Variants in RUSC2 observed in about 807,000 individuals in gnomAD.
RUSC2 encodes AP-4 complex accessory subunit RUSC2.
A neutral mutation model predicts 122.2 loss-of-function variants in RUSC2; 34 were observed. The ratio of observed to expected loss-of-function variants is 0.28; its 90% CI spans 0.21 to 0.37. The LOEUF (loss-of-function observed/expected upper bound fraction) is 0.37, where lower values mean the gene tolerates loss of function less well. Among genes scored for constraint, RUSC2 ranks in the 10% least tolerant of loss-of-function variants. RUSC2 has a pLI of 1.00. For synonymous variants in RUSC2, 784 were observed against 790.0 expected (o/e 0.99, Z 0.13); for missense variants, 1,747 against 1,952.4 (o/e 0.89, Z 1.98).
chr9:35,514,962 C>T (rs779852344), intron 1 of RUSC2, among the ~76,000 whole-genome samples: 8 of 152,126 alleles, frequency 5.3e-5, no homozygotes, highest in Non-Finnish European at 1.5e-5. Flanking sequence ...AAATGGCCAC[C>T]CCTACTTGCA....
In RUSC2 at chr9:35,561,597, A is replaced by C; in HGVS notation, c.*215A>C. The C allele has an allele frequency of 3.4e-6, 2 of 591,874 alleles. No individual in the cohort carries two copies. The highest frequency in any genetic ancestry group is 6.0e-6 in the Non-Finnish European group (2 of 335,352). The allele number at this position is 591,874 out of a possible 1,614,324, so 36.7% of individuals were successfully genotyped here. ...GACCTCCACCCAGGAGAGGGATGGG[A>C]CACAGCACTGGGCTGCCAGGATTCC... On this transcript the variant is annotated 3_prime_UTR_variant, in exon 12 of 12. Transcript: ENST00000361226.
At position 35,558,664 on chromosome 9, in the gene RUSC2, G is replaced by A; in HGVS notation, c.3341+97G>A. 1 of 1,035,016 alleles carries A rather than the reference G, an allele frequency of 9.7e-7. No homozygotes were observed. The highest frequency in any genetic ancestry group is 1.5e-6 in the Non-Finnish European group (1 of 665,776). 64.1% of individuals were successfully genotyped at this position (1,035,016 alleles called of 1,614,324 possible). Reference sequence around the variant, plus strand: ...AAGGAAACAACGCCCTGGACAGACAGAAAGGGTGGATCTGGAGGGTCCCCT... The same window carrying A: ...AAGGAAACAACGCCCTGGACAGACAAAAAGGGTGGATCTGGAGGGTCCCCT... On this transcript the variant is annotated intron_variant, in intron 8 of 11. Coordinates refer to ENST00000361226, the MANE Select transcript of RUSC2 (RefSeq NM_014806.5). The surrounding 1 kb of genome is among the most constrained non-coding windows in gnomAD (Gnocchi z 4.3).
Position 35,548,202 on chromosome 9 carries a change from C to G in RUSC2, c.1681C>G (p.Pro561Ala). Residue 561 changes from proline to alanine, a missense_variant, in exon 2 of 12, where the codon CCA becomes GCA. Pro to Ala is a conservative substitution (Grantham distance 27). Coordinates refer to ENST00000361226, the MANE Select transcript of RUSC2 (RefSeq NM_014806.5). This position sits in a 1 kb window ranked among gnomAD's most constrained non-coding sequence, Gnocchi z 4.5. The part of the protein sequence containing the change: ...RKKTGGSGSP[P>A]LRVSVGDSSQ... The stretch of plus-strand genomic sequence containing the variant: ...GAAAACTGGAGGCTCTGGCTCGCCC[C>G]CACTTCGTGTGAGTGTTGGGGACTC... 6.2e-7 allele frequency: 1 copy of G among 1,613,256 alleles called. No homozygotes were observed. Among genetic ancestry groups the G allele is most frequent in the Non-Finnish European group, 8.5e-7 (1 of 1,179,932 alleles).
chr9:35,536,289 C>G (rs1030289050), intron 1 of RUSC2, among the ~76,000 whole-genome samples: 1 of 152,186 alleles, frequency 6.6e-6, no homozygotes, highest in Admixed American at 6.5e-5. Context: ...TCTGTAAAAT[C>G]AACAACCTGC....
intron 1 of RUSC2, among the ~76,000 whole-genome samples, chr9:35,522,260 AAAG>A (rs1197553011): frequency 6.6e-6 from 1 of 152,250 alleles, no homozygotes; most frequent in African/African-American, 2.4e-5. Flanking sequence ...AGGCATGAAA[AAAG>A]AGAGATGTTT....
At position 35,555,007 on chromosome 9, in the gene RUSC2, C is replaced by T. The variant is rs944821746; in HGVS notation, c.2015-53C>T. On this transcript the variant is annotated intron_variant, in intron 2 of 11. Coordinates refer to ENST00000361226, the MANE Select transcript of RUSC2 (RefSeq NM_014806.5). This position sits in a 1 kb window ranked among gnomAD's most constrained non-coding sequence, Gnocchi z 4.6. ...CCATCTCTGCTTCTGGGTTTTCTCT[C>T]ATATGGGTTTCAGTGTCTGTCTACT... 1.9e-6 allele frequency: 3 copies of T among 1,596,092 alleles called. No individual in the cohort carries two copies. Among genetic ancestry groups the T allele is most frequent in the African/African-American group, 2.7e-5 (2 of 74,514 alleles).
At chr9:35,553,826 T>C (rs566016131) in intron 2 of RUSC2, among the ~76,000 whole-genome samples, 34 of 152,216 alleles carry the variant, frequency 2.2e-4, no homozygotes, top group African/African-American at 8.2e-4. Context: ...CCTAATGGGA[T>C]TGTGGTCCCC....
rs557689752 is a variant in RUSC2, at chr9:35,555,733, G to A, written c.2656+32G>A. ...GCTCCAGCATCTCCCTACCCAACCC[G>A]CCACCTCACGCAAGCACTTCCACCA... On this transcript the variant is annotated intron_variant, in intron 3 of 11. Transcript: ENST00000361226. The surrounding 1 kb of genome is among the most constrained non-coding windows in gnomAD (Gnocchi z 4.6). 7.0e-6 allele frequency: 11 copies of A among 1,561,476 alleles called. No homozygotes were observed. Among genetic ancestry groups the A allele is most frequent in the Admixed American group, 6.2e-5 (3 of 48,504 alleles).
At chr9:35,545,331 A>G (rs1821722857) in intron 1 of RUSC2, among the ~76,000 whole-genome samples, 1 of 152,222 alleles carries the variant, frequency 6.6e-6, no homozygotes, top group African/African-American at 2.4e-5. Flanking sequence ...GAATTTTGGA[A>G]CATTACATGT....
intron 1 of RUSC2, among the ~76,000 whole-genome samples, chr9:35,537,587 ACTCAG>A (rs1821555789): frequency 6.6e-6 from 1 of 152,024 alleles, no homozygotes; most frequent in Admixed American, 6.6e-5. Flanking sequence ...TCTACAATTG[ACTCAG>A]CTCAGCATGG....
At chr9:35,491,296 G>T (rs1434864913) in intron 1 of RUSC2, among the ~76,000 whole-genome samples, 1 of 152,158 alleles carries the variant, frequency 6.6e-6, no homozygotes, top group African/African-American at 2.4e-5. Context: ...TACCTAATTA[G>T]TAGTGGCATT....
Position 35,560,477 on chromosome 9 carries a change from G to A in RUSC2, c.3837G>A (p.Gln1279=). 1 of 1,614,240 alleles carries A rather than the reference G, an allele frequency of 6.2e-7. No homozygotes were observed. The highest frequency in any genetic ancestry group is 8.5e-7 in the Non-Finnish European group (1 of 1,180,010). The change falls in exon 10 of 12, where the codon CAG becomes CAA. Residue 1279 remains glutamine (Q), a synonymous_variant. Transcript: ENST00000361226. ...GGTACCAGCTCATGCAGAGCTCCCAGGTCTACATCGATGGCTCCATTGAGG... is the reference window on the plus strand; with the variant it reads ...GGTACCAGCTCATGCAGAGCTCCCAAGTCTACATCGATGGCTCCATTGAGG... The part of the protein sequence containing the change: ...GWWYQLMQSS[Q]VYIDGSIEGS...
chr9:35,548,208 C>T lies in RUSC2; in HGVS notation c.1687C>T (p.Arg563Cys), dbSNP rs761344885. ...KTGGSGSPPL[R>C]VSVGDSSQEF... The stretch of plus-strand genomic sequence containing the variant: ...TGGAGGCTCTGGCTCGCCCCCACTT[C>T]GTGTGAGTGTTGGGGACTCCTCCCA... Residue 563 changes from arginine (R) to cysteine (C), a missense_variant, in exon 2 of 12, where the codon CGT (arginine) becomes TGT (cysteine). Coordinates refer to ENST00000361226, the MANE Select transcript of RUSC2 (RefSeq NM_014806.5). This position sits in a 1 kb window ranked among gnomAD's most constrained non-coding sequence, Gnocchi z 4.5. The T allele has an allele frequency of 2.4e-5, 38 of 1,613,158 alleles. 1 individual carries two copies. In the African/African-American group the frequency reaches 3.7e-4, roughly 16 times the overall value.
intron 1 of RUSC2, among the ~76,000 whole-genome samples, chr9:35,545,246 G>A (rs1821721026): frequency 6.6e-6 from 1 of 152,170 alleles, no homozygotes; most frequent in South Asian, 2.1e-4. Flanking sequence ...ATGAATAAGA[G>A]AAAGGCAATG....
At chr9:35,503,043 G>A (rs988888437) in intron 1 of RUSC2, among the ~76,000 whole-genome samples, 1 of 152,040 alleles carries the variant, frequency 6.6e-6, no homozygotes, top group African/African-American at 2.4e-5. Flanking sequence ...TGTATTTTTA[G>A]TAGAGATAGG....
rs749424200 is a variant in RUSC2, at chr9:35,560,269, G to A, written c.3629G>A (p.Arg1210Gln). Residue 1210 changes from arginine (R) to glutamine (Q), a missense_variant, in exon 10 of 12, where the codon CGG (arginine) becomes CAG (glutamine). Arg to Gln is a conservative substitution (Grantham distance 43, BLOSUM62 1). Coordinates refer to ENST00000361226, the MANE Select transcript of RUSC2 (RefSeq NM_014806.5). ...LSAHSTLQLA[R>Q]ARGQEGPGDV... Reference sequence around the variant, plus strand: ...GCCCACTCCACGCTGCAGCTGGCCCGGGCCCGGGGCCAGGAGGGCCCTGGA... The same window carrying A: ...GCCCACTCCACGCTGCAGCTGGCCCAGGCCCGGGGCCAGGAGGGCCCTGGA... 22 of 1,586,306 alleles carry A rather than the reference G, an allele frequency of 1.4e-5. No individual in the cohort carries two copies. Among genetic ancestry groups the A allele is most frequent in the African/African-American group, 9.8e-5 (7 of 71,480 alleles).
chr9:35,501,064 T>C (rs894999191), intron 1 of RUSC2, among the ~76,000 whole-genome samples: 6 of 152,204 alleles, frequency 3.9e-5, no homozygotes, highest in Non-Finnish European at 8.8e-5. Context: ...GAATCTATAG[T>C]AGAGAATAAA....
At chr9:35,560,905 A>G in intron 10 of RUSC2, 54 bp downstream of exon 10, 1 of 1,590,242 alleles carries the variant, frequency 6.3e-7, no homozygotes, top group Non-Finnish European at 8.6e-7. Flanking sequence ...GCTGTAAGCC[A>G]GGGCACGGGC....
At chr9:35,510,954 GTTACTACTT>G (rs1000747142) in intron 1 of RUSC2, among the ~76,000 whole-genome samples, 4 of 152,300 alleles carry the variant, frequency 2.6e-5, no homozygotes, top group South Asian at 4.1e-4. Context: ...GGAGCACAGA[GTTACTACTT>G]TTTCTGCTGG....
Sources: gnomAD v4.1 joint callset for allele counts (sites outside exome capture counted in the v4.1 genomes callset) on GRCh38, gnomAD v4.1.1 for gene constraint, Gnocchi (gnomAD v3.1) non-coding constraint, MANE v1.5 for transcripts, NCBI Gene and HGNC (gene_info 2026-07-23, HGNC 2026-07-21) for gene names.